TAFA2: variants seen among roughly 807,000 people sequenced by gnomAD.
TAFA2 encodes the protein TAFA chemokine like family member 2, also known as chemokine-like protein TAFA-2.
Under a neutral mutation model 18.8 loss-of-function variants are expected in TAFA2, and 7 were observed. The observed-to-expected ratio is 0.37, with a 90% CI of 0.21 to 0.70. The LOEUF is 0.70. Among genes scored for constraint, TAFA2 ranks in the 30% least tolerant of loss-of-function variants. The probability of loss-of-function intolerance (pLI) is 0.53; values close to 1 mark genes in which losing one functional copy is unlikely to be tolerated. For missense variants in TAFA2, 122 were observed against 158.1 expected (o/e 0.77, Z 1.23); for synonymous variants, 60 against 54.2 (o/e 1.11, Z -0.47).
intron 1 of TAFA2, among the ~76,000 whole-genome samples, chr12:62,115,314 C>T (rs907808146): frequency 2.6e-5 from 4 of 152,098 alleles, no homozygotes; most frequent in African/African-American, 9.7e-5. Context: ...CTCCATGCTG[C>T]AGCAGGAGGC....
chr12:62,130,937 T>C (rs1435264440), intron 1 of TAFA2, among the ~76,000 whole-genome samples: 1 of 151,968 alleles, frequency 6.6e-6, no homozygotes. Context: ...GCTAGCAAAC[T>C]GAAAACTTGA....
chr12:62,217,011 C>G (rs1299760761), intron 1 of TAFA2, among the ~76,000 whole-genome samples: 1 of 152,164 alleles, frequency 6.6e-6, no homozygotes, highest in Non-Finnish European at 1.5e-5. Context: ...CTGCGACATC[C>G]TCTCTAAATG....
In TAFA2 at chr12:62,108,407, G is replaced by A. The variant is rs180878367; in HGVS notation, c.-2+82852C>T. ...ATCCAGTTTAATGAGCATTTGGGTT[G>A]GTCCCAAGTCTTTGCTATTGTGAAC... On this transcript the variant is annotated intron_variant, in intron 1 of 4. Coordinates refer to ENST00000416284, the MANE Select transcript of TAFA2 (RefSeq NM_178539.5). Among the ~76,000 whole-genome samples the A allele has an allele frequency of 8.5e-5, 13 of 152,198 alleles. No individual in the cohort carries two copies. The East Asian group carries it at 2.1e-3, about 25-fold the overall frequency.
intron 1 of TAFA2, among the ~76,000 whole-genome samples, chr12:62,240,016 A>T (rs188443923): frequency 3.3e-5 from 5 of 151,974 alleles, no homozygotes; most frequent in Admixed American, 6.6e-5. Context: ...AAAGAGTATA[A>T]AAAATGTTTC....
chr12:62,090,117 C>G (rs1868646724), intron 1 of TAFA2, among the ~76,000 whole-genome samples: 1 of 151,998 alleles, frequency 6.6e-6, no homozygotes, highest in Non-Finnish European at 1.5e-5. Context: ...CATTAGTCTC[C>G]CTTGGTTTTA....
chr12:62,108,187 T>G (rs1158642130), intron 1 of TAFA2, among the ~76,000 whole-genome samples: 1 of 152,056 alleles, frequency 6.6e-6, no homozygotes, highest in Non-Finnish European at 1.5e-5. Context: ...CCTCCCTGTA[T>G]CCATGTGTTC....
At chr12:62,156,592 A>G (rs796644009) in intron 1 of TAFA2, among the ~76,000 whole-genome samples, 66 of 152,268 alleles carry the variant, frequency 4.3e-4, no homozygotes, top group African/African-American at 1.6e-3. Context: ...TAATATATAT[A>G]TAATATATAT....
At chr12:61,751,964 A>G (rs988066352) in intron 4 of TAFA2, among the ~76,000 whole-genome samples, 1 of 152,048 alleles carries the variant, frequency 6.6e-6, no homozygotes, top group African/African-American at 2.4e-5. Flanking sequence ...CTCTTAAGAA[A>G]AGAACTATAC....
chr12:62,056,354 TA>T (rs1276813986), intron 1 of TAFA2, among the ~76,000 whole-genome samples: 1 of 152,194 alleles, frequency 6.6e-6, no homozygotes, highest in African/African-American at 2.4e-5. Flanking sequence ...TACGATTACA[TA>T]AAAACAACTA....
intron 1 of TAFA2, among the ~76,000 whole-genome samples, chr12:62,120,387 T>C (rs928368858): frequency 1.3e-5 from 2 of 152,234 alleles, no homozygotes; most frequent in African/African-American, 4.8e-5. Context: ...AGTAATTTCA[T>C]TATGTAGGAA....
intron 1 of TAFA2, among the ~76,000 whole-genome samples, chr12:62,084,936 A>G (rs1868391596): frequency 6.6e-6 from 1 of 152,136 alleles, no homozygotes; most frequent in Non-Finnish European, 1.5e-5. Context: ...GGGTTTTGGG[A>G]TCATAATGAA....
intron 1 of TAFA2, among the ~76,000 whole-genome samples, chr12:61,971,534 C>A (rs1314998655): frequency 6.6e-6 from 1 of 151,104 alleles, no homozygotes; most frequent in South Asian, 2.1e-4. Context: ...ACATGGAATA[C>A]TATGCAGCCA....
At chr12:62,109,011 T>G (rs1869597993) in intron 1 of TAFA2, among the ~76,000 whole-genome samples, 1 of 152,234 alleles carries the variant, frequency 6.6e-6, no homozygotes, top group African/African-American at 2.4e-5. Context: ...ATTTTGGCTT[T>G]TGTTGCCATT....
At chr12:61,939,256 T>G (rs981201678) in intron 1 of TAFA2, among the ~76,000 whole-genome samples, 2 of 152,216 alleles carry the variant, frequency 1.3e-5, no homozygotes, top group Admixed American at 1.3e-4. Flanking sequence ...TGGCTAGATG[T>G]TACTTGTTGA....
At chr12:61,879,809 G>A (rs1247332194) in intron 1 of TAFA2, 51 of 1,468,310 alleles carry the variant, frequency 3.5e-5, no homozygotes, top group Non-Finnish European at 4.7e-5. Flanking sequence ...GAAGCTGGAG[G>A]CAGAGCTTGG....
chr12:62,076,642 T>C (rs997171251), intron 1 of TAFA2, among the ~76,000 whole-genome samples: 1 of 152,154 alleles, frequency 6.6e-6, no homozygotes. Context: ...CCCTGTCTCA[T>C]GGTGTATTTA....
intron 2 of TAFA2, among the ~76,000 whole-genome samples, chr12:61,865,859 A>T (rs1874331954): frequency 6.6e-6 from 1 of 152,160 alleles, no homozygotes; most frequent in Admixed American, 6.5e-5. Flanking sequence ...TAAGCTGGGA[A>T]GGGGCACTAA....
chr12:61,843,733 AAT>A (rs1873287084), intron 2 of TAFA2, among the ~76,000 whole-genome samples: 1 of 152,150 alleles, frequency 6.6e-6, no homozygotes, highest in African/African-American at 2.4e-5. Context: ...TACACACATA[AAT>A]ACGTAAACAA....
At chr12:62,172,330 A>C (rs1032044971) in intron 1 of TAFA2, among the ~76,000 whole-genome samples, 1 of 152,184 alleles carries the variant, frequency 6.6e-6, no homozygotes, top group African/African-American at 2.4e-5. Flanking sequence ...GGATCATATA[A>C]TCTAATGACT....
Sources: allele counts gnomAD v4.1 joint callset (sites outside exome capture counted in the v4.1 genomes callset), GRCh38; gene constraint gnomAD v4.1.1; transcripts MANE v1.5; gene names NCBI Gene and HGNC (gene_info 2026-07-23, HGNC 2026-07-21).